LRBA: variants seen among roughly 807,000 people sequenced by gnomAD.
LRBA encodes lipopolysaccharide-responsive and beige-like anchor protein.
LRBA carries 176 observed loss-of-function variants against 330.0 expected under a neutral mutation model. That is an observed-to-expected ratio of 0.53 (90% CI 0.47 to 0.60). The LOEUF is 0.60. Ranked by LOEUF, LRBA falls within the 20% of genes least tolerant of loss-of-function variation. LRBA has a pLI of 0.00. For synonymous variants in LRBA, 1,230 were observed against 1,193.0 expected (o/e 1.03, Z -0.64); for missense variants, 3,259 against 3,444.8 (o/e 0.95, Z 1.35).
chr4:150,596,824 A>G (rs555087734), intron 38 of LRBA, among the ~76,000 whole-genome samples: 1 of 151,730 alleles, frequency 6.6e-6, no homozygotes, highest in East Asian at 1.9e-4. Context: ...GAACAATACC[A>G]TAATACAATC....
At chr4:150,789,515 G>A (rs868496017) in intron 34 of LRBA, among the ~76,000 whole-genome samples, 3 of 152,052 alleles carry the variant, frequency 2.0e-5, no homozygotes, top group Non-Finnish European at 4.4e-5. Context: ...TTTTATCGCA[G>A]CACTAAGTTA....
At chr4:150,942,655 A>C (rs1436715384) in intron 2 of LRBA, among the ~76,000 whole-genome samples, 2 of 152,178 alleles carry the variant, frequency 1.3e-5, no homozygotes, top group African/African-American at 4.8e-5. Context: ...AATATTATCA[A>C]CAAACTCACA....
At chr4:150,963,659 C>T (rs191573708) in intron 2 of LRBA, among the ~76,000 whole-genome samples, 3,637 of 133,014 alleles carry the variant, frequency 0.027, 578 homozygotes, top group African/African-American at 0.1. Flanking sequence ...GTCTGGGATG[C>T]GAGGAGCCCC....
At chr4:150,816,672 C>CA (rs900062030) in intron 31 of LRBA, among the ~76,000 whole-genome samples, 34 of 149,650 alleles carry the variant, frequency 2.3e-4, no homozygotes, top group African/African-American at 6.4e-4. Flanking sequence ...AAAAATATGC[C>CA]AAAAAAAACA....
intron 48 of LRBA, among the ~76,000 whole-genome samples, chr4:150,333,877 C>A (rs1734305191): frequency 6.6e-6 from 1 of 151,852 alleles, no homozygotes; most frequent in Non-Finnish European, 1.5e-5. Flanking sequence ...ACTGCTAAGG[C>A]CAAAAAAGGA....
At chr4:150,582,596 GCA>G (rs1771519857) in intron 40 of LRBA, 1 of 164,684 alleles carries the variant, frequency 6.1e-6, no homozygotes, top group African/African-American at 2.4e-5. Context: ...ATTTACTTTG[GCA>G]CTTAAAAAAC....
intron 8 of LRBA, 65 bp from the exon 9 acceptor site, chr4:150,914,406 C>T: frequency 8.8e-7 from 1 of 1,130,862 alleles, no homozygotes; most frequent in Non-Finnish European, 1.2e-6. Flanking sequence ...TAATAAAAAC[C>T]TATATTATCA....
At chr4:150,539,507 C>T (rs529501984) in intron 40 of LRBA, among the ~76,000 whole-genome samples, 1 of 152,248 alleles carries the variant, frequency 6.6e-6, no homozygotes, top group East Asian at 1.9e-4. Flanking sequence ...TGGAAACATT[C>T]TGAAATAAAT....
intron 36 of LRBA, chr4:150,720,925 A>C: frequency 2.7e-6 from 1 of 368,730 alleles, no homozygotes; most frequent in South Asian, 2.4e-5. Context: ...CAATGTCTGC[A>C]AAGTTCTAAG....
chr4:150,433,993 T>C (rs1750765955), intron 46 of LRBA, among the ~76,000 whole-genome samples: 1 of 152,152 alleles, frequency 6.6e-6, no homozygotes, highest in Admixed American at 6.5e-5. Context: ...TGAATACATT[T>C]TGTAGACTTT....
chr4:150,970,336 C>A (rs1000838496), intron 2 of LRBA, among the ~76,000 whole-genome samples: 1 of 151,522 alleles, frequency 6.6e-6, no homozygotes, highest in Non-Finnish European at 1.5e-5. Flanking sequence ...CCCATCTCTA[C>A]AAAAAAGTAA....
At chr4:150,300,043 G>A (rs1170594457) in intron 53 of LRBA, among the ~76,000 whole-genome samples, 1 of 152,060 alleles carries the variant, frequency 6.6e-6, no homozygotes, top group Non-Finnish European at 1.5e-5. Flanking sequence ...CAGCTTGCAT[G>A]AATGTTTGAA....
intron 2 of LRBA, among the ~76,000 whole-genome samples, chr4:150,971,734 C>T (rs1208120821): frequency 6.6e-6 from 1 of 152,062 alleles, no homozygotes; most frequent in Non-Finnish European, 1.5e-5. Flanking sequence ...ACATTAAGAG[C>T]TCTGATTTTT....
chr4:150,618,126 A>G (rs984848113), intron 37 of LRBA, among the ~76,000 whole-genome samples: 2 of 152,072 alleles, frequency 1.3e-5, no homozygotes, highest in African/African-American at 4.8e-5. Flanking sequence ...AAAAAAAAAG[A>G]ACTCTTAGAT....
intron 34 of LRBA, among the ~76,000 whole-genome samples, chr4:150,768,927 CTTTTTTTTTTT>C (rs70941440): frequency 1.3e-5 from 1 of 75,026 alleles, no homozygotes; most frequent in East Asian, 4.2e-4. Flanking sequence ...GTGCTGTCTC[CTTTTTTTTTTT>C]TTTTTTTTTT....
intron 30 of LRBA, among the ~76,000 whole-genome samples, chr4:150,823,066 C>G: frequency 6.6e-6 from 1 of 152,166 alleles, no homozygotes. Flanking sequence ...TCCCTTATCT[C>G]CACATCCTTG....
At chr4:150,941,810 C>T (rs2149527863) in intron 2 of LRBA, among the ~76,000 whole-genome samples, 1 of 151,614 alleles carries the variant, frequency 6.6e-6, no homozygotes, top group South Asian at 2.1e-4. Flanking sequence ...TCACTTGAGC[C>T]TGGGAGGCGG....
At chr4:150,512,318 T>C (rs1290636032) in intron 40 of LRBA, among the ~76,000 whole-genome samples, 2 of 152,220 alleles carry the variant, frequency 1.3e-5, no homozygotes, top group Non-Finnish European at 2.9e-5. Flanking sequence ...ACTGGAAACT[T>C]ATGATTTAGA....
chr4:150,816,007 GAAAT>G (rs964124672), intron 31 of LRBA, among the ~76,000 whole-genome samples: 22 of 151,764 alleles, frequency 1.4e-4, no homozygotes, highest in African/African-American at 5.3e-4. Flanking sequence ...GAAGACAAAA[GAAAT>G]AAACATAGTA....
Sources: gnomAD v4.1 joint callset for allele counts (sites outside exome capture counted in the v4.1 genomes callset) on GRCh38, gnomAD v4.1.1 for gene constraint, MANE v1.5 for transcripts, NCBI Gene and HGNC (gene_info 2026-07-23, HGNC 2026-07-21) for gene names.